STRADA: variants seen among roughly 807,000 people sequenced by gnomAD.
STRADA encodes the protein STE20 related adaptor alpha.
In STRADA, 26 loss-of-function variants were observed where a neutral mutation model predicts 55.0. That is an observed-to-expected ratio of 0.47 (90% CI 0.35 to 0.66). The LOEUF (loss-of-function observed/expected upper bound fraction) is 0.66. Ranked by LOEUF, STRADA falls within the 30% of genes least tolerant of loss-of-function variation. STRADA has a pLI of 0.01. For synonymous variants in STRADA, 197 were observed against 210.9 expected (o/e 0.93, Z 0.57); for missense variants, 443 against 549.7 (o/e 0.81, Z 1.94).
chr17:63,709,019 C>T (rs1182689504), intron 8 of STRADA, among the ~76,000 whole-genome samples: 1 of 152,050 alleles, frequency 6.6e-6, no homozygotes, highest in African/African-American at 2.4e-5. Flanking sequence ...TAATTGTCAC[C>T]TTGGTTCTGG....
intron 8 of STRADA, among the ~76,000 whole-genome samples, chr17:63,708,946 A>G (rs963394917): frequency 2.1e-4 from 32 of 151,714 alleles, no homozygotes; most frequent in Admixed American, 1.4e-3. Flanking sequence ...TTCCTTTTTC[A>G]CTCAGGGCTG....
At chr17:63,714,166 G>A in intron 4 of STRADA, 58 bp from the exon 5 acceptor site, 1 of 1,310,990 alleles carries the variant, frequency 7.6e-7, no homozygotes, top group East Asian at 2.4e-5. Flanking sequence ...GATGGGAGTG[G>A]GGTGAAGGTG....
chr17:63,716,418 C>A (rs2036888498), intron 4 of STRADA, among the ~76,000 whole-genome samples: 1 of 152,100 alleles, frequency 6.6e-6, no homozygotes, highest in Non-Finnish European at 1.5e-5. Context: ...ATTAATTTAT[C>A]TTTTCCCCAA....
intron 4 of STRADA, chr17:63,714,530 C>T: frequency 3.8e-6 from 1 of 261,810 alleles, no homozygotes; most frequent in Non-Finnish European, 7.5e-6. Flanking sequence ...GTCCTCACCA[C>T]AAGATCCCAA....
At position 63,707,305 on chromosome 17, in the gene STRADA, T is replaced by C. The variant is rs1405579656; in HGVS notation, c.695A>G (p.Asp232Gly). ...SHGQRQRVVH[D>G]FPKYSVKVLP... ...AACCTTGACACTGTACTTGGGAAAA[T>C]CGTGGACCACTCGCTGCCGCTGCCC... Residue 232 changes from aspartate to glycine, a missense_variant, in exon 9 of 13, where the codon GAT becomes GGT. Coordinates refer to ENST00000336174, the MANE Select transcript of STRADA (RefSeq NM_001003787.4). 3.1e-6 allele frequency: 5 copies of C among 1,613,958 alleles called. No homozygotes were observed. Among genetic ancestry groups the C allele is most frequent in the East Asian group, 2.2e-5 (1 of 44,884 alleles).
At chr17:63,737,277 A>AAAAAAAAAAAAAG (rs2038514342) in intron 1 of STRADA, 1 of 143,504 alleles carries the variant, frequency 7.0e-6, no homozygotes, top group Non-Finnish European at 1.5e-5. Context: ...AAAAAAAAAA[A>AAAAAAAAAAAAAG]TTGAGATAGT....
At chr17:63,735,708 G>C (rs1487423913) in intron 1 of STRADA, among the ~76,000 whole-genome samples, 2 of 152,172 alleles carry the variant, frequency 1.3e-5, no homozygotes, top group African/African-American at 4.8e-5. Flanking sequence ...TGGACATAAG[G>C]GTGCTGTCTC....
intron 1 of STRADA, among the ~76,000 whole-genome samples, chr17:63,736,840 C>A (rs908999987): frequency 3.8e-5 from 5 of 132,640 alleles, no homozygotes; most frequent in African/African-American, 1.4e-4. Context: ...CCCCCCACGC[C>A]CCCCCCACCA....
At chr17:63,734,979 GAA>G (rs1294488308) in intron 1 of STRADA, among the ~76,000 whole-genome samples, 1 of 152,152 alleles carries the variant, frequency 6.6e-6, no homozygotes, top group African/African-American at 2.4e-5. Context: ...CCAACAGGGA[GAA>G]ACCCCGTCTC....
chr17:63,730,474 C>A (rs1437628722), intron 1 of STRADA, among the ~76,000 whole-genome samples: 1 of 151,546 alleles, frequency 6.6e-6, no homozygotes, highest in Non-Finnish European at 1.5e-5. Flanking sequence ...CTGCTCACTG[C>A]AACCTCTGCC....
At position 63,728,735 on chromosome 17, in the gene STRADA, TA is replaced by T. The variant is rs36091754; in HGVS notation, c.-44-323del. On this transcript the variant is annotated intron_variant, in intron 1 of 12. Transcript: ENST00000336174. ...CCAACATGGTGAAACCCCATCTCTA[TA>T]AAAAAAAAAAAAAAAAAAAAAAAAG... Among the ~76,000 whole-genome samples, 43 of 112,410 alleles carry T rather than the reference TA, an allele frequency of 3.8e-4. 1 individual carries two copies. The highest frequency in any genetic ancestry group is 1.0e-3 in the East Asian group (4 of 3,840). The allele number at this position is 112,410 out of a possible 152,430, so 73.7% of individuals were successfully genotyped here. A position where few individuals can be genotyped will look rare whatever the true frequency, so the allele number is the denominator to read the frequency against.
Position 63,714,108 on chromosome 17 carries a change from T to C in STRADA, c.124A>G (p.Thr42Ala). The stretch of plus-strand genomic sequence containing the variant: ...ATTGACTCTGAGCTCGCATCATTGG[T>C]CTAAAAAAGAAAAAGAAAAATAGGT... ...EQPPGDTRRK[T>A]NDASSESIAS... Residue 42 changes from threonine (T) to alanine (A), a missense_variant and splice_region_variant, in exon 5 of 13, where the codon ACC becomes GCC. Thr to Ala is a moderately conservative substitution (Grantham distance 58, BLOSUM62 0). Transcript: ENST00000336174. The C allele has an allele frequency of 1.9e-6, 3 of 1,611,946 alleles. No individual in the cohort carries two copies. In the South Asian group the frequency reaches 3.3e-5, roughly 18 times the overall value.
intron 3 of STRADA, chr17:63,723,659 G>A (rs2037457644): frequency 8.3e-6 from 2 of 240,042 alleles, no homozygotes; most frequent in African/African-American, 4.5e-5. Context: ...TTATGAATAG[G>A]CCAGTTCCTT....
intron 10 of STRADA, chr17:63,705,560 C>T (rs721575): frequency 0.66 from 102,195 of 155,262 alleles, 35,614 homozygotes; most frequent in African/African-American, 0.91. Flanking sequence ...GTAAATGAGC[C>T]ATCTTATGCT....
chr17:63,731,370 C>A (rs1856345065), intron 1 of STRADA, among the ~76,000 whole-genome samples: 1 of 151,436 alleles, frequency 6.6e-6, no homozygotes, highest in African/African-American at 2.4e-5. Flanking sequence ...TCAAGTGATT[C>A]CCCTGCCTCA....
In STRADA at chr17:63,728,425, AT is replaced by A; in HGVS notation, c.-44-13del. 6.6e-7 allele frequency: 1 copy of A among 1,506,508 alleles called. No homozygotes were observed. Among genetic ancestry groups the A allele is most frequent in the Non-Finnish European group, 9.0e-7 (1 of 1,106,460 alleles). 93.3% of individuals were successfully genotyped at this position (1,506,508 alleles called of 1,614,324 possible). On this transcript the variant is annotated splice_polypyrimidine_tract_variant and intron_variant, in intron 1 of 12. Coordinates refer to ENST00000336174, the MANE Select transcript of STRADA (RefSeq NM_001003787.4). ...TCAAAAACTTAAACCTAAAAGGAAA[AT>A]AGAAACAGGTTGAGTTAGCAAAAAT... is the stretch of plus-strand genomic sequence containing the variant.
intron 1 of STRADA, among the ~76,000 whole-genome samples, chr17:63,738,861 T>TAATAATAAC (rs59727325): frequency 6.8e-6 from 1 of 146,806 alleles, no homozygotes; most frequent in African/African-American, 2.5e-5. Flanking sequence ...ATAATAATAA[T>TAATAATAAC]GGGGAACAGG....
chr17:63,723,304 C>T lies in STRADA; in HGVS notation c.117G>A (p.Arg39=). 6.2e-7 allele frequency: 1 copy of T among 1,614,192 alleles called. No homozygotes were observed. Among genetic ancestry groups the T allele is most frequent in the Non-Finnish European group, 8.5e-7 (1 of 1,180,044 alleles). ...GGCCTAGGAAGCCACTTACTTTTCT[C>T]CGAGTGTCACCCGGAGGCTGCTCTG... ...LFGEQPPGDT[R]RKTNDASSES... is the part of the protein sequence containing the mutation. Residue 39 remains arginine, a synonymous_variant, in exon 4 of 13, where the codon CGG becomes CGA. Coordinates refer to ENST00000336174, the MANE Select transcript of STRADA (RefSeq NM_001003787.4).
rs774365454 is a variant in STRADA at position 63,710,875 on chromosome 17, C to CTG, written c.349-40_349-39insCA. 1.2e-4 allele frequency: 182 copies of CTG among 1,578,808 alleles called. No homozygotes were observed. The African/African-American group carries it at 2.3e-3, about 20-fold the overall frequency. On this transcript the variant is annotated intron_variant, in intron 6 of 12. Coordinates refer to ENST00000336174, the MANE Select transcript of STRADA (RefSeq NM_001003787.4). ...TGAAGCTGAAGTCAGAACCAAATGG[C>CTG]ACTGAAGGATGCCGCTCAACACAAA...
Sources: gnomAD v4.1 joint callset for allele counts (sites outside exome capture counted in the v4.1 genomes callset) on GRCh38, gnomAD v4.1.1 for gene constraint, MANE v1.5 for transcripts, NCBI Gene and HGNC (gene_info 2026-07-23, HGNC 2026-07-21) for gene names.